Variants in NIBAN2 observed in about 807,000 individuals in gnomAD.
NIBAN2 encodes the protein protein Niban 2.
NIBAN2 carries 36 observed loss-of-function variants against 81.8 expected under a neutral mutation model. That is an observed-to-expected ratio of 0.44 (90% confidence interval 0.34 to 0.58). The LOEUF (loss-of-function observed/expected upper bound fraction) is 0.58. NIBAN2 is among the 20% of genes least tolerant of loss of function. NIBAN2 has a pLI of 0.02. For missense variants in NIBAN2, 897 were observed against 1,014.1 expected (o/e 0.88, Z 1.57); for synonymous variants, 445 against 441.6 (o/e 1.01, Z -0.10).
chr9:127,522,752 G>A (rs1836967247), intron 5 of NIBAN2, among the ~76,000 whole-genome samples: 1 of 151,934 alleles, frequency 6.6e-6, no homozygotes, highest in Admixed American at 6.6e-5. Flanking sequence ...TGGGACTTCT[G>A]GCATCTCCTC....
chr9:127,577,169 G>C (rs1051011882), intron 1 of NIBAN2, among the ~76,000 whole-genome samples: 7 of 151,804 alleles, frequency 4.6e-5, no homozygotes, highest in African/African-American at 1.7e-4. Flanking sequence ...TTAGCCAGGC[G>C]TGGTGGTGCA....
intron 2 of NIBAN2, 94 bp downstream of exon 2, chr9:127,531,554 T>C (rs1467454797): frequency 2.4e-6 from 3 of 1,263,748 alleles, no homozygotes; most frequent in African/African-American, 3.0e-5. Flanking sequence ...ACAGTAACAA[T>C]GGGAAACTGA....
At chr9:127,578,645 G>A (rs1838037832) in intron 1 of NIBAN2, among the ~76,000 whole-genome samples, 1 of 151,544 alleles carries the variant, frequency 6.6e-6, no homozygotes, top group African/African-American at 2.4e-5. Context: ...TCCAGCCGGG[G>A]TGACAAGAGT....
Position 127,508,033 on chromosome 9 carries a change from C to T in NIBAN2, c.1543-55G>A. 1 of 1,610,992 alleles carries T rather than the reference C, an allele frequency of 6.2e-7. No individual in the cohort carries two copies. Among genetic ancestry groups the T allele is most frequent in the Non-Finnish European group, 8.5e-7 (1 of 1,177,306 alleles). Reference sequence around the variant, plus strand: ...GTCAGGGCCAAGGGTAGAGGGAGGCCTGTGGGCTCCATCCCCCAACTTAGG... The same window carrying T: ...GTCAGGGCCAAGGGTAGAGGGAGGCTTGTGGGCTCCATCCCCCAACTTAGG... On this transcript the variant is annotated intron_variant, in intron 12 of 13. Transcript: ENST00000373312. This position sits in a 1 kb window ranked among gnomAD's most constrained non-coding sequence, Gnocchi z 6.4.
At chr9:127,553,036 C>T (rs998447390) in intron 1 of NIBAN2, among the ~76,000 whole-genome samples, 2 of 152,132 alleles carry the variant, frequency 1.3e-5, no homozygotes, top group Non-Finnish European at 2.9e-5. Flanking sequence ...AGGCCCACTA[C>T]TCACTATTAA....
chr9:127,531,565 G>A (rs896815975), intron 2 of NIBAN2, 83 bp downstream of exon 2: 4 of 1,385,310 alleles, frequency 2.9e-6, no homozygotes, highest in African/African-American at 1.4e-5. Flanking sequence ...GGGAAACTGA[G>A]GCCCAGAAAA....
chr9:127,510,138 G>C lies in NIBAN2; in HGVS notation c.1161+8C>G. ...GAGACCCCCTCCTAGGGGCGGTGCC[G>C]GCCTCACCTCGCCCAGCTTGTCAAT... On this transcript the variant is annotated splice_region_variant and intron_variant, in intron 9 of 13. Transcript: ENST00000373312. 6.2e-7 allele frequency: 1 copy of C among 1,604,614 alleles called. No individual in the cohort carries two copies. The highest frequency in any genetic ancestry group is 8.5e-7 in the Non-Finnish European group (1 of 1,173,894).
chr9:127,519,278 G>A (rs1282685616), intron 5 of NIBAN2, among the ~76,000 whole-genome samples: 1 of 151,852 alleles, frequency 6.6e-6, no homozygotes, highest in Non-Finnish European at 1.5e-5. Flanking sequence ...GCTGTCAGTG[G>A]CCCAAACGCC....
In NIBAN2 at chr9:127,509,080, A is replaced by G; in HGVS notation, c.1213T>C (p.Cys405Arg). 1 of 1,613,472 alleles carries G rather than the reference A, an allele frequency of 6.2e-7. No homozygotes were observed. Among genetic ancestry groups the G allele is most frequent in the Non-Finnish European group, 8.5e-7 (1 of 1,179,906 alleles). The change falls in exon 10 of 14, where the codon TGC becomes CGC. Residue 405 changes from cysteine (C) to arginine (R), a missense_variant. By Grantham distance (180) the Cys-to-Arg change is radical. Transcript: ENST00000373312. ...CGCAGCGACTCCATCTTCTCATAGC[A>G]GCTCTGCATCTTCAGGGGGTGGTAC... ...LAYHPLKMQS[C>R]YEKMESLRLD...
At chr9:127,537,041 C>T (rs900489236) in intron 1 of NIBAN2, among the ~76,000 whole-genome samples, 1 of 152,230 alleles carries the variant, frequency 6.6e-6, no homozygotes, top group Non-Finnish European at 1.5e-5. Flanking sequence ...CTCATCCATT[C>T]TGCCTCCCTG....
chr9:127,536,611 C>T lies in NIBAN2; in HGVS notation c.56-4833G>A, dbSNP rs77000065. On this transcript the variant is annotated intron_variant, in intron 1 of 13. Coordinates refer to ENST00000373312, the MANE Select transcript of NIBAN2 (RefSeq NM_022833.4). The surrounding 1 kb of genome is among the most constrained non-coding windows in gnomAD (Gnocchi z 4.0). ...CACAGCAGCTCTTTCCATTTCCTGC[C>T]GCAGCCTCTGGAGACACCACACGCC... Among the ~76,000 whole-genome samples, 1,366 of 152,326 alleles carry T rather than the reference C, an allele frequency of 9.0e-3. 25 individuals carry two copies. The highest frequency in any genetic ancestry group is 0.065 in the East Asian group (339 of 5,184).
rs546572699 is a variant in NIBAN2, at chr9:127,563,391, C to G, written c.55+5429G>C. Among the ~76,000 whole-genome samples, 1 of 152,270 alleles carries G rather than the reference C, an allele frequency of 6.6e-6. No individual in the cohort carries two copies. Among genetic ancestry groups the G allele is most frequent in the Non-Finnish European group, 1.5e-5 (1 of 68,048 alleles). ...GCCCAGGCCCAGGCACTGCTTCCGG[C>G]CAGCCTGGTCTCTCTGCAAAGTCCA... On this transcript the variant is annotated intron_variant, in intron 1 of 13. Coordinates refer to ENST00000373312, the MANE Select transcript of NIBAN2 (RefSeq NM_022833.4). The surrounding 1 kb of genome is among the most constrained non-coding windows in gnomAD (Gnocchi z 4.1).
At chr9:127,514,988 A>AC (rs557353578) in intron 8 of NIBAN2, among the ~76,000 whole-genome samples, 64 of 151,910 alleles carry the variant, frequency 4.2e-4, no homozygotes, top group African/African-American at 1.5e-3. Context: ...ACACAGTAAG[A>AC]CCCCCTTCTC....
rs191123054 is a variant in NIBAN2, at chr9:127,515,390, G to A, written c.973+1467C>T. Among the ~76,000 whole-genome samples, 521 of 151,918 alleles carry A rather than the reference G, an allele frequency of 3.4e-3. 3 individuals are homozygous for A. Among genetic ancestry groups the A allele is most frequent in the African/African-American group, 0.011 (445 of 41,448 alleles). On this transcript the variant is annotated intron_variant, in intron 8 of 13. Coordinates refer to ENST00000373312, the MANE Select transcript of NIBAN2 (RefSeq NM_022833.4). ...CAAAAAATTAGGTAGGCATGGTGGC[G>A]GGCGCCTGTAGTCCCAGCTACTCAG...
intron 5 of NIBAN2, among the ~76,000 whole-genome samples, chr9:127,521,606 A>T (rs1470138868): frequency 6.8e-6 from 1 of 146,978 alleles, no homozygotes; most frequent in Admixed American, 6.8e-5. Context: ...CACAAATTCC[A>T]AGCCCAGCCT....
intron 5 of NIBAN2, among the ~76,000 whole-genome samples, chr9:127,521,666 A>AT (rs1455264304): frequency 6.6e-6 from 1 of 151,952 alleles, no homozygotes; most frequent in African/African-American, 2.4e-5. Context: ...GGGTGGAAGG[A>AT]AGGCCTGAAA....
intron 1 of NIBAN2, among the ~76,000 whole-genome samples, chr9:127,548,615 T>C (rs1011963658): frequency 4.6e-5 from 7 of 152,200 alleles, no homozygotes; most frequent in Non-Finnish European, 8.8e-5. Flanking sequence ...TCTCTTTTTT[T>C]CTCTCTTCTC....
chr9:127,542,465 G>A (rs984666473), intron 1 of NIBAN2, among the ~76,000 whole-genome samples: 7 of 152,198 alleles, frequency 4.6e-5, no homozygotes, highest in African/African-American at 1.7e-4. Context: ...GGCCAGAAGT[G>A]CCAATCTCAG....
At chr9:127,571,830 CA>C (rs564892616), upstream of NIBAN2, among the ~76,000 whole-genome samples, 1 of 150,116 alleles carries the variant, frequency 6.7e-6, no homozygotes, top group African/African-American at 2.4e-5. Context: ...CATTTCACAC[CA>C]AAAAAAAACT....
Sources: allele counts gnomAD v4.1 joint callset (sites outside exome capture counted in the v4.1 genomes callset), GRCh38; gene constraint gnomAD v4.1.1; non-coding constraint Gnocchi (gnomAD v3.1); transcripts MANE v1.5; gene names NCBI Gene and HGNC (gene_info 2026-07-23, HGNC 2026-07-21).